The following MYH16 variants were observed in gnomAD, a reference collection of about 807,000 sequenced individuals.
The protein encoded by MYH16 is myosin heavy chain 16.
At chr7:99,282,830 A>C (rs1364434574) in intron 23 of MYH16, among the ~76,000 whole-genome samples, 1 of 75,014 alleles carries the variant, frequency 1.3e-5, no homozygotes, top group Non-Finnish European at 2.0e-5. Flanking sequence ...ATCCTATCTC[A>C]AAAAAAAAAA....
chr7:99,289,989 T>C lies in MYH16; in HGVS notation n.3824+585T>C, dbSNP rs188676633. ...TTTGCATCTCTATAACAAAAATAATTGGCAATTTATCAATGTATAAGTTAA... is the reference window on the plus strand; with the variant it reads ...TTTGCATCTCTATAACAAAAATAATCGGCAATTTATCAATGTATAAGTTAA... On this transcript the variant is annotated intron_variant and non_coding_transcript_variant, in intron 30 of 41. Transcript: ENST00000439784. Among the ~76,000 whole-genome samples, 100 of 152,264 alleles carry C rather than the reference T, an allele frequency of 6.6e-4. 2 individuals are homozygous for C. In the South Asian group the frequency reaches 0.011, roughly 17 times the overall value.
exon 39 of MYH16, chr7:99,303,082 G>A (rs1032951587): frequency 3.3e-5 from 5 of 152,662 alleles, no homozygotes; most frequent in Non-Finnish European, 5.9e-5. Context: ...GCCTCCTCGT[G>A]GTCAAACGCA....
chr7:99,279,166 G>T (rs1468624311), intron 21 of MYH16, among the ~76,000 whole-genome samples: 2 of 151,982 alleles, frequency 1.3e-5, no homozygotes, highest in African/African-American at 4.8e-5. Flanking sequence ...ACCCCAGCCT[G>T]GGTGACAGAG....
chr7:99,286,776 C>G (rs1023430292), intron 28 of MYH16, among the ~76,000 whole-genome samples: 1 of 149,304 alleles, frequency 6.7e-6, no homozygotes, highest in East Asian at 2.0e-4. Flanking sequence ...CTGGGCAACA[C>G]AGCAAAAGCC....
downstream of MYH16, among the ~76,000 whole-genome samples, chr7:99,307,977 GT>G (rs1301950040): frequency 3.9e-5 from 6 of 152,020 alleles, no homozygotes; most frequent in Non-Finnish European, 8.8e-5. Context: ...GCCTCCCAAA[GT>G]GCTGGGATTA....
chr7:99,293,311 A>G (rs899911954), intron 32 of MYH16, among the ~76,000 whole-genome samples: 3 of 152,032 alleles, frequency 2.0e-5, no homozygotes, highest in African/African-American at 7.3e-5. Context: ...CCATCCATCC[A>G]CTGAAATTTC....
intron 32 of MYH16, 51 bp downstream of exon 13, chr7:99,292,559 C>G (rs1721239174): frequency 2.2e-6 from 1 of 446,084 alleles, no homozygotes; most frequent in Non-Finnish European, 4.5e-6. Flanking sequence ...GCAGGTGGTG[C>G]TGGGGGCCTC....
At chr7:99,288,798 C>T (rs1792324607) in intron 29 of MYH16, among the ~76,000 whole-genome samples, 2 of 151,718 alleles carry the variant, frequency 1.3e-5, no homozygotes, top group Admixed American at 1.3e-4. Flanking sequence ...ACTGTGAGGG[C>T]TGCAATAGTC....
intron 41 of MYH16, 63 bp from the exon 23 acceptor site, chr7:99,306,538 TTTTTTTTA>T (rs1792684230): frequency 6.6e-6 from 1 of 151,980 alleles, no homozygotes; most frequent in Non-Finnish European, 1.5e-5. Context: ...AAAAAAAAAT[TTTTTTTTA>T]ATGCACACTT....
At chr7:99,241,180 T>C (rs1204649187) in intron 1 of MYH16, among the ~76,000 whole-genome samples, 1 of 152,220 alleles carries the variant, frequency 6.6e-6, no homozygotes, top group Non-Finnish European at 1.5e-5. Context: ...CTGGCTTCCC[T>C]GGCTCCTAAA....
At chr7:99,260,437 C>G (rs1254390242) in intron 12 of MYH16, 4 of 537,476 alleles carry the variant, frequency 7.4e-6, no homozygotes, top group African/African-American at 1.9e-5. Context: ...GTCAGTGACA[C>G]CACCAGTGAC....
chr7:99,273,146 G>A (rs1039514499), intron 19 of MYH16, among the ~76,000 whole-genome samples, 69 bp downstream of exon 1: 10 of 152,080 alleles, frequency 6.6e-5, no homozygotes, highest in East Asian at 1.9e-4. Context: ...CTCCCTTATC[G>A]TGCTGCTAAG....
intron 2 of MYH16, among the ~76,000 whole-genome samples, chr7:99,245,821 T>C (rs1255314033): frequency 2.6e-5 from 4 of 152,170 alleles, no homozygotes; most frequent in African/African-American, 9.7e-5. Context: ...CCACTGCGCC[T>C]GGCCTTTCTG....
At chr7:99,266,510 A>G (rs1230840761) in intron 17 of MYH16, among the ~76,000 whole-genome samples, 1 of 152,150 alleles carries the variant, frequency 6.6e-6, no homozygotes, top group Non-Finnish European at 1.5e-5. Context: ...AAGATCACAA[A>G]GGGGGCTGCT....
chr7:99,269,630 G>A, intron 18 of MYH16, among the ~76,000 whole-genome samples: 1 of 152,120 alleles, frequency 6.6e-6, no homozygotes, highest in Non-Finnish European at 1.5e-5. Flanking sequence ...GGTCGTGCTT[G>A]GTTTTGAGCT....
intron 37 of MYH16, among the ~76,000 whole-genome samples, chr7:99,300,517 C>T (rs190438729): frequency 6.6e-6 from 1 of 152,222 alleles, no homozygotes; most frequent in East Asian, 1.9e-4. Flanking sequence ...GTGGACAAGA[C>T]AATGCTGGAC....
chr7:99,278,404 C>T (rs1311152899), intron 21 of MYH16, among the ~76,000 whole-genome samples: 2 of 152,180 alleles, frequency 1.3e-5, no homozygotes, highest in African/African-American at 4.8e-5. Flanking sequence ...AACTTACCCA[C>T]TCCAAGCCTT....
chr7:99,281,188 T>G (rs1255320704), intron 23 of MYH16, among the ~76,000 whole-genome samples: 1 of 152,152 alleles, frequency 6.6e-6, no homozygotes, highest in African/African-American at 2.4e-5. Context: ...CTTCCAAGTT[T>G]GTTATAAGTG....
At chr7:99,276,605 C>A (rs545403783) in intron 20 of MYH16, among the ~76,000 whole-genome samples, 1 of 152,198 alleles carries the variant, frequency 6.6e-6, no homozygotes, top group African/African-American at 2.4e-5. Flanking sequence ...CAAATGCTCC[C>A]GGCTGAATGG....
Sources: allele counts gnomAD v4.1 joint callset (sites outside exome capture counted in the v4.1 genomes callset), GRCh38; gene constraint gnomAD v4.1.1; transcripts MANE v1.5; gene names NCBI Gene and HGNC (gene_info 2026-07-23, HGNC 2026-07-21).